SREBF2: variants seen among roughly 807,000 people sequenced by gnomAD.
SREBF2 encodes the protein sterol regulatory element binding transcription factor 2, also known as sterol regulatory element-binding protein 2.
In SREBF2, 55 loss-of-function variants were observed where a neutral mutation model predicts 113.1. That is an observed-to-expected ratio of 0.49 (90% CI 0.39 to 0.61). SREBF2 has a LOEUF of 0.61. SREBF2 is among the 20% of genes least tolerant of loss of function. SREBF2 has a pLI of 0.00. For missense variants in SREBF2, 1,349 were observed against 1,487.4 expected (o/e 0.91, Z 1.53); for synonymous variants, 593 against 605.7 (o/e 0.98, Z 0.31).
In SREBF2 at chr22:41,905,918, C is replaced by T; in HGVS notation, c.*258C>T. 1.5e-6 allele frequency: 1 copy of T among 664,178 alleles called. No homozygotes were observed. Among genetic ancestry groups the T allele is most frequent in the Non-Finnish European group, 2.8e-6 (1 of 361,022 alleles). 41.1% of individuals were successfully genotyped at this position (664,178 alleles called of 1,614,324 possible). A position where few individuals can be genotyped will look rare whatever the true frequency, so the allele number is the denominator to read the frequency against. On this transcript the variant is annotated 3_prime_UTR_variant, in exon 19 of 19. Coordinates refer to ENST00000361204, the MANE Select transcript of SREBF2 (RefSeq NM_004599.4). ...CTGGGCAGCCCTGACTTGATAGCAG[C>T]AGGGGGAGCTCCCAAGCTGCCAAGC...
At position 41,852,728 on chromosome 22, in the gene SREBF2, ATTTTTTTTTT is replaced by A. The variant is rs544824099; in HGVS notation, c.89-14081_89-14072del. On this transcript the variant is annotated intron_variant, in intron 1 of 18. Coordinates refer to ENST00000361204, the MANE Select transcript of SREBF2 (RefSeq NM_004599.4). Reference sequence around the variant, plus strand: ...CAGCCATTCTCATACTCTCAGAATGATTTTTTTTTTTTTTTTTTTTTTTTTTTTTTTGTGG... The same window carrying A: ...CAGCCATTCTCATACTCTCAGAATGATTTTTTTTTTTTTTTTTTTTTGTGG... 6.3e-3 allele frequency among the ~76,000 whole-genome samples: 255 copies of A among 40,414 alleles called. 1 individual carries two copies. The highest frequency in any genetic ancestry group is 0.02 in the African/African-American group (238 of 12,094). 26.5% of individuals were successfully genotyped at this position (40,414 alleles called of 152,430 possible). A position where few individuals can be genotyped will look rare whatever the true frequency, so the allele number is the denominator to read the frequency against.
intron 13 of SREBF2, among the ~76,000 whole-genome samples, chr22:41,895,223 T>C (rs1257800565): frequency 6.6e-6 from 1 of 150,788 alleles, no homozygotes; most frequent in Non-Finnish European, 1.5e-5. Flanking sequence ...CACTGCAAGC[T>C]CTGCCTCCTG....
At chr22:41,888,608 C>T (rs1220231756) in intron 11 of SREBF2, among the ~76,000 whole-genome samples, 1 of 152,164 alleles carries the variant, frequency 6.6e-6, no homozygotes, top group Non-Finnish European at 1.5e-5. Context: ...CCTCTTCATT[C>T]TACAGAGGTA....
chr22:41,845,479 G>A (rs1050909725), intron 1 of SREBF2, among the ~76,000 whole-genome samples: 4 of 152,170 alleles, frequency 2.6e-5, no homozygotes, highest in Non-Finnish European at 2.9e-5. Flanking sequence ...GCATTTCAAC[G>A]TGAATGAGTA....
At chr22:41,874,195 T>C (rs1407646538) in intron 5 of SREBF2, among the ~76,000 whole-genome samples, 176 bp downstream of exon 5, 1 of 152,088 alleles carries the variant, frequency 6.6e-6, no homozygotes, top group Non-Finnish European at 1.5e-5. Context: ...TTAAAAAACA[T>C]AAGGGACTGG....
chr22:41,852,170 T>G (rs1248194113), intron 1 of SREBF2, among the ~76,000 whole-genome samples: 2 of 145,852 alleles, frequency 1.4e-5, no homozygotes, highest in Non-Finnish European at 3.0e-5. Flanking sequence ...GGCCTGGGAG[T>G]GAAGGAGGGA....
chr22:41,880,759 C>G lies in SREBF2; in HGVS notation c.1805C>G (p.Ala602Gly). 7 of 1,614,188 alleles carry G rather than the reference C, an allele frequency of 4.3e-6. No individual in the cohort carries two copies. The highest frequency in any genetic ancestry group is 2.7e-5 in the African/African-American group (2 of 75,054). ...GCCGGCAACCTACAAACCTGCCTGG[C>G]AGTTTTGGGCCGGGCACTGCCCACC... ...AAAGNLQTCLAVLGRALPTSR... is the reference protein window; with the variant it reads ...AAAGNLQTCLGVLGRALPTSR... The change falls in exon 10 of 19, where the codon GCA (alanine) becomes GGA (glycine). Residue 602 changes from alanine to glycine, a missense_variant. Ala to Gly is a moderately conservative substitution (Grantham distance 60, BLOSUM62 0). Coordinates refer to ENST00000361204, the MANE Select transcript of SREBF2 (RefSeq NM_004599.4).
chr22:41,892,463 C>CA, intron 11 of SREBF2, among the ~76,000 whole-genome samples: 1 of 152,002 alleles, frequency 6.6e-6, no homozygotes, highest in Admixed American at 6.5e-5. Flanking sequence ...TCCTGGCTAA[C>CA]ACGGTGAAAC....
intron 1 of SREBF2, among the ~76,000 whole-genome samples, chr22:41,863,069 G>C (rs1278777260): frequency 6.6e-6 from 1 of 152,188 alleles, no homozygotes; most frequent in East Asian, 1.9e-4. Flanking sequence ...ACATGCCTGT[G>C]TAGTGGGTGC....
intron 1 of SREBF2, among the ~76,000 whole-genome samples, chr22:41,855,529 A>C (rs1352085054): frequency 6.6e-6 from 1 of 152,132 alleles, no homozygotes; most frequent in African/African-American, 2.4e-5. Flanking sequence ...CTCAAAAAAA[A>C]CGCAAAACTA....
At chr22:41,867,585 T>C (rs1485742945) in intron 2 of SREBF2, among the ~76,000 whole-genome samples, 1 of 152,082 alleles carries the variant, frequency 6.6e-6, no homozygotes, top group Non-Finnish European at 1.5e-5. Flanking sequence ...GGCGGGCGGA[T>C]CACGAGGTCA....
intron 10 of SREBF2, 28 bp from the exon 11 acceptor site, chr22:41,884,814 C>A (rs2077284203): frequency 6.2e-7 from 1 of 1,613,886 alleles, no homozygotes; most frequent in Non-Finnish European, 8.5e-7. Flanking sequence ...GCTCCATCAA[C>A]AATAGTGTCT....
At chr22:41,877,893 G>A (rs1569397364) in intron 8 of SREBF2, 49 bp from the exon 9 acceptor site, 1 of 1,608,054 alleles carries the variant, frequency 6.2e-7, no homozygotes, top group Non-Finnish European at 8.5e-7. Flanking sequence ...GTGCCTGGCT[G>A]CTCCGCAAGG....
At chr22:41,875,780 G>C in intron 7 of SREBF2, 56 bp downstream of exon 7, 1 of 1,599,100 alleles carries the variant, frequency 6.3e-7, no homozygotes, top group Non-Finnish European at 8.6e-7. Context: ...CCCCTAAGAA[G>C]ATAGCTGGGA....
At chr22:41,897,695 G>A (rs1238001377) in intron 14 of SREBF2, among the ~76,000 whole-genome samples, 1 of 152,122 alleles carries the variant, frequency 6.6e-6, no homozygotes, top group African/African-American at 2.4e-5. Flanking sequence ...CCAACTCTTG[G>A]GCTTCTGTGG....
At chr22:41,849,614 T>C (rs1200897880) in intron 1 of SREBF2, among the ~76,000 whole-genome samples, 2 of 152,236 alleles carry the variant, frequency 1.3e-5, no homozygotes, top group African/African-American at 4.8e-5. Context: ...TCTTAAGGGA[T>C]GTATCTTTTA....
intron 1 of SREBF2, among the ~76,000 whole-genome samples, chr22:41,850,715 T>C (rs1312803855): frequency 1.3e-5 from 2 of 151,946 alleles, no homozygotes; most frequent in African/African-American, 2.4e-5. Context: ...AATTATCTAA[T>C]TTCTTTGAAT....
At chr22:41,901,633 C>T (rs2077466216) in intron 16 of SREBF2, among the ~76,000 whole-genome samples, 1 of 152,176 alleles carries the variant, frequency 6.6e-6, no homozygotes, top group Admixed American at 6.5e-5. Flanking sequence ...TGCACTCCAG[C>T]CTGGGCAACA....
At position 41,894,800 on chromosome 22, in the gene SREBF2, C is replaced by T; in HGVS notation, c.2378-20C>T. The T allele has an allele frequency of 1.9e-6, 3 of 1,609,772 alleles. No individual in the cohort carries two copies. The highest frequency in any genetic ancestry group is 2.2e-5 in the East Asian group (1 of 44,876). On this transcript the variant is annotated intron_variant, in intron 12 of 18. Transcript: ENST00000361204. ...CATAAATGAGCTCCATTTAACCCCCCTTGCCTGTCTCTTTTCCAGCTGACC... is the reference window on the plus strand; with the variant it reads ...CATAAATGAGCTCCATTTAACCCCCTTTGCCTGTCTCTTTTCCAGCTGACC...
Sources: allele counts gnomAD v4.1 joint callset (sites outside exome capture counted in the v4.1 genomes callset), GRCh38; gene constraint gnomAD v4.1.1; transcripts MANE v1.5; gene names NCBI Gene and HGNC (gene_info 2026-07-23, HGNC 2026-07-21).